The following FYCO1 variants were observed in gnomAD, a reference collection of about 807,000 sequenced individuals.
FYCO1 encodes the protein FYVE and coiled-coil domain autophagy adaptor 1.
In FYCO1, 122 loss-of-function variants were observed where a neutral mutation model predicts 165.1. The ratio of observed to expected loss-of-function variants is 0.74; its 90% CI spans 0.64 to 0.86. The LOEUF is 0.86. FYCO1 is among the 40% of genes least tolerant of loss of function. The pLI is 0.00. For synonymous variants in FYCO1, 648 were observed against 742.5 expected (o/e 0.87, Z 2.07); for missense variants, 1,702 against 1,810.3 (o/e 0.94, Z 1.09).
At chr3:45,991,668 C>T (rs200632585) in intron 1 of FYCO1, among the ~76,000 whole-genome samples, 1 of 132,978 alleles carries the variant, frequency 7.5e-6, no homozygotes, top group South Asian at 3.8e-4. Flanking sequence ...GTTCGGTTCC[C>T]GAGGAAGCCT....
At chr3:45,932,030 G>A (rs959132685) in intron 15 of FYCO1, among the ~76,000 whole-genome samples, 2 of 152,174 alleles carry the variant, frequency 1.3e-5, no homozygotes, top group African/African-American at 2.4e-5. Context: ...GAGGTTAGGG[G>A]CCAAGGGACC....
chr3:45,927,226 C>G (rs1703363677), intron 16 of FYCO1, among the ~76,000 whole-genome samples: 1 of 152,162 alleles, frequency 6.6e-6, no homozygotes, highest in South Asian at 2.1e-4. Flanking sequence ...CAAGACAATT[C>G]TTCCAACGAG....
intron 16 of FYCO1, among the ~76,000 whole-genome samples, chr3:45,924,680 T>G (rs968030951): frequency 2.6e-5 from 4 of 152,042 alleles, no homozygotes; most frequent in Non-Finnish European, 5.9e-5. Flanking sequence ...TGGCATGATC[T>G]TGGCTCACTG....
intron 16 of FYCO1, among the ~76,000 whole-genome samples, chr3:45,926,703 G>A (rs62245105): frequency 0.017 from 2,573 of 152,296 alleles, 27 homozygotes; most frequent in Non-Finnish European, 0.026. Flanking sequence ...GGTGGCTCAC[G>A]CCCGTAATCT....
rs1702980576 is a variant in FYCO1 at position 45,918,271 on chromosome 3, C to T, written c.*3494G>A. On this transcript the variant is annotated 3_prime_UTR_variant, in exon 18 of 18. Coordinates refer to ENST00000296137, the MANE Select transcript of FYCO1 (RefSeq NM_024513.4). ...TTTTTTTAAATCAGAGATGCCTCCC[C>T]AAATTTCAAGATGTACTTTATTATT... The T allele has an allele frequency of 6.6e-6, 1 of 152,394 alleles. No individual in the cohort carries two copies. The highest frequency in any genetic ancestry group is 6.5e-5 in the Admixed American group (1 of 15,274). The allele number at this position is 152,394 out of a possible 1,614,324, so 9.4% of individuals were successfully genotyped here. A position where few individuals can be genotyped will look rare whatever the true frequency, so the allele number is the denominator to read the frequency against.
At chr3:45,969,481 T>A (rs951057587) in intron 7 of FYCO1, among the ~76,000 whole-genome samples, 194 bp downstream of exon 7, 1 of 152,210 alleles carries the variant, frequency 6.6e-6, no homozygotes, top group African/African-American at 2.4e-5. Context: ...TTTAGAAGAA[T>A]GTAATTTTAA....
intron 7 of FYCO1, among the ~76,000 whole-genome samples, chr3:45,969,391 G>A (rs1706292495): frequency 6.6e-6 from 1 of 152,216 alleles, no homozygotes. Context: ...GGTCACAGCT[G>A]GTAGGTGAGA....
At chr3:45,966,007 T>C (rs1705988746) in intron 8 of FYCO1, among the ~76,000 whole-genome samples, 1 of 152,258 alleles carries the variant, frequency 6.6e-6, no homozygotes, top group Non-Finnish European at 1.5e-5. Context: ...TTTTACAAAC[T>C]TCTGTGTGGG....
chr3:45,984,684 T>C (rs1707227564), intron 2 of FYCO1, 172 bp downstream of exon 2: 1 of 738,722 alleles, frequency 1.4e-6, no homozygotes, highest in Admixed American at 2.1e-5. Flanking sequence ...TTCCAAGCCT[T>C]ACACAAGGTG....
chr3:45,921,888 G>A (rs1213683684), intron 17 of FYCO1, 48 bp from the exon 18 acceptor site: 1 of 1,259,796 alleles, frequency 7.9e-7, no homozygotes, highest in Non-Finnish European at 1.2e-6. Context: ...AGAGCTGAAA[G>A]TCCGAGGGGT....
intron 13 of FYCO1, among the ~76,000 whole-genome samples, chr3:45,956,699 G>A (rs1575358277): frequency 6.6e-6 from 1 of 152,182 alleles, no homozygotes; most frequent in Non-Finnish European, 1.5e-5. Flanking sequence ...GCAGAGGGAA[G>A]GGAAAGCAGA....
chr3:45,995,011 T>G (rs1361526134), intron 1 of FYCO1, among the ~76,000 whole-genome samples: 3 of 151,988 alleles, frequency 2.0e-5, no homozygotes, highest in African/African-American at 4.8e-5. Flanking sequence ...CATGTGCTTT[T>G]CTTACAAAAA....
intron 4 of FYCO1, among the ~76,000 whole-genome samples, chr3:45,978,131 C>T (rs757613864): frequency 1.1e-4 from 17 of 152,148 alleles, no homozygotes; most frequent in African/African-American, 3.1e-4. Flanking sequence ...AGAAACTAGC[C>T]AAAAAGTAGA....
At chr3:45,951,090 G>A (rs1225698127) in intron 14 of FYCO1, among the ~76,000 whole-genome samples, 1 of 152,186 alleles carries the variant, frequency 6.6e-6, no homozygotes, top group Admixed American at 6.5e-5. Context: ...GGTCATCTGG[G>A]TATCTGAAGG....
chr3:45,951,392 G>C (rs571188809), intron 14 of FYCO1, among the ~76,000 whole-genome samples: 1 of 152,316 alleles, frequency 6.6e-6, no homozygotes, highest in East Asian at 1.9e-4. Flanking sequence ...GGCAGACCAG[G>C]TATGTTTGGT....
chr3:45,975,292 G>A lies in FYCO1; in HGVS notation c.342C>T (p.His114=). 2.5e-6 allele frequency: 4 copies of A among 1,614,144 alleles called. No homozygotes were observed. The highest frequency in any genetic ancestry group is 2.5e-6 in the Non-Finnish European group (3 of 1,179,994). ...GRAFIRYSLV[H]QRLADTLQQC... is the part of the protein sequence containing the mutation. ...GCTGTAAGGTGTCTGCCAACCTCTG[G>A]TGCACCAAGGAGTAGCGAATAAATG... is the stretch of plus-strand genomic sequence containing the variant. Residue 114 remains histidine, a synonymous_variant, in exon 5 of 18, where the codon CAC becomes CAT. Coordinates refer to ENST00000296137, the MANE Select transcript of FYCO1 (RefSeq NM_024513.4).
At chr3:45,968,821 T>C in intron 7 of FYCO1, 118 bp from the exon 8 acceptor site, 1 of 1,204,768 alleles carries the variant, frequency 8.3e-7, no homozygotes, top group Non-Finnish European at 1.2e-6. Flanking sequence ...TGCCCTAAGG[T>C]TAGTCTAAAG....
At chr3:45,987,375 C>T (rs1707361154) in intron 1 of FYCO1, among the ~76,000 whole-genome samples, 1 of 151,754 alleles carries the variant, frequency 6.6e-6, no homozygotes. Context: ...TTATATCTCA[C>T]AAAAAAGGAG....
At chr3:45,970,145 T>C (rs571454916) in intron 6 of FYCO1, among the ~76,000 whole-genome samples, 196 of 152,318 alleles carry the variant, frequency 1.3e-3, no homozygotes, top group African/African-American at 4.2e-3. Flanking sequence ...AGCTGCCCGC[T>C]CTGTATGACA....
Sources: allele counts gnomAD v4.1 joint callset (sites outside exome capture counted in the v4.1 genomes callset), GRCh38; gene constraint gnomAD v4.1.1; transcripts MANE v1.5; gene names NCBI Gene and HGNC (gene_info 2026-07-23, HGNC 2026-07-21).